C8orf34: variants seen among roughly 807,000 people sequenced by gnomAD.
C8orf34 encodes the protein uncharacterized protein C8orf34.
Under a neutral mutation model 68.3 loss-of-function variants are expected in C8orf34, and 65 were observed. The ratio of observed to expected loss-of-function variants is 0.95; its 90% CI spans 0.78 to 1.17. C8orf34 has a LOEUF of 1.17. Ranked by LOEUF, C8orf34 falls within the 50% of genes most tolerant of loss-of-function variation. The pLI, the probability that C8orf34 is intolerant of heterozygous loss-of-function variation, is 0.00. For missense variants in C8orf34, 664 were observed against 655.4 expected, an observed-to-expected ratio of 1.01 and a Z score of -0.14; for synonymous variants, 244 against 241.2, an observed-to-expected ratio of 1.01 and a Z score of -0.11.
intron 5 of C8orf34, among the ~76,000 whole-genome samples, chr8:68,502,074 G>T (rs1238786392): frequency 6.6e-6 from 1 of 152,066 alleles, no homozygotes; most frequent in Non-Finnish European, 1.5e-5. Flanking sequence ...TTGTTTGATT[G>T]TTTATTCGTT....
chr8:68,706,607 A>G (rs144286854), intron 8 of C8orf34, among the ~76,000 whole-genome samples: 11 of 152,346 alleles, frequency 7.2e-5, no homozygotes, highest in African/African-American at 2.6e-4. Context: ...GGACTTACAG[A>G]TATCTGCCAT....
intron 5 of C8orf34, among the ~76,000 whole-genome samples, chr8:68,521,241 T>C (rs1253519451): frequency 6.6e-6 from 1 of 152,234 alleles, no homozygotes; most frequent in Non-Finnish European, 1.5e-5. Flanking sequence ...AGCTGTATCA[T>C]ATCCGAGTCC....
intron 7 of C8orf34, among the ~76,000 whole-genome samples, chr8:68,582,690 C>T (rs142821940): frequency 5.9e-5 from 9 of 152,068 alleles, no homozygotes; most frequent in East Asian, 5.9e-4. Context: ...AGGTATTACT[C>T]GTTTTTTGAG....
At chr8:68,535,700 A>C (rs1815437391) in intron 7 of C8orf34, 1 of 820,748 alleles carries the variant, frequency 1.2e-6, no homozygotes, top group Admixed American at 6.2e-5. Context: ...ATAGTACAAC[A>C]CCTGTAATTT....
chr8:68,597,433 T>A lies in C8orf34; in HGVS notation c.1106-42943T>A, dbSNP rs73683572. 3.7e-3 allele frequency among the ~76,000 whole-genome samples: 563 copies of A among 152,296 alleles called. 4 individuals are homozygous for A. Among genetic ancestry groups the A allele is most frequent in the African/African-American group, 0.013 (539 of 41,570 alleles). ...CTTAACAAAGGACCTCATCTGTGTT[T>A]TTTTAGAAAAGTGTTTAAATTAGAA... On this transcript the variant is annotated intron_variant, in intron 7 of 13. Transcript: ENST00000518698.
intron 1 of C8orf34, among the ~76,000 whole-genome samples, chr8:68,427,796 T>C (rs1335506274): frequency 6.6e-6 from 1 of 152,032 alleles, no homozygotes; most frequent in African/African-American, 2.4e-5. Flanking sequence ...TGAAAGAAGC[T>C]GGCTGAAATG....
At chr8:68,647,314 G>C (rs1819206332) in intron 8 of C8orf34, among the ~76,000 whole-genome samples, 1 of 152,120 alleles carries the variant, frequency 6.6e-6, no homozygotes, top group Non-Finnish European at 1.5e-5. Flanking sequence ...GTACCCGTGA[G>C]GATGTAGAGA....
intron 7 of C8orf34, among the ~76,000 whole-genome samples, chr8:68,570,845 C>A (rs1322596451): frequency 6.6e-6 from 1 of 152,116 alleles, no homozygotes; most frequent in Non-Finnish European, 1.5e-5. Context: ...AACTTAATTC[C>A]TAGAGTCTTC....
intron 1 of C8orf34, among the ~76,000 whole-genome samples, chr8:68,429,426 C>T (rs1363935790): frequency 6.6e-6 from 1 of 152,060 alleles, no homozygotes; most frequent in East Asian, 1.9e-4. Context: ...AATGGGAATG[C>T]GGGTGGGAGA....
At chr8:68,746,525 G>A in intron 10 of C8orf34, among the ~76,000 whole-genome samples, 1 of 106,986 alleles carries the variant, frequency 9.3e-6, no homozygotes, top group Admixed American at 1.1e-4. Context: ...GAATCAAATA[G>A]ATGCAATAAA....
At chr8:68,565,583 C>G (rs1816562518) in intron 7 of C8orf34, among the ~76,000 whole-genome samples, 1 of 152,136 alleles carries the variant, frequency 6.6e-6, no homozygotes, top group Non-Finnish European at 1.5e-5. Flanking sequence ...CCTTTAGAAG[C>G]TAAAATAATG....
intron 1 of C8orf34, among the ~76,000 whole-genome samples, chr8:68,408,876 C>A (rs1381239704): frequency 6.6e-6 from 1 of 152,130 alleles, no homozygotes; most frequent in Admixed American, 6.5e-5. Context: ...GCAACTTCTG[C>A]CTCCTGCGTT....
intron 6 of C8orf34, among the ~76,000 whole-genome samples, chr8:68,522,676 T>C (rs1406875505): frequency 6.6e-6 from 1 of 152,198 alleles, no homozygotes; most frequent in Non-Finnish European, 1.5e-5. Flanking sequence ...AGAGTAATTT[T>C]TTTTTGTAAT....
intron 5 of C8orf34, among the ~76,000 whole-genome samples, chr8:68,509,448 G>A (rs1294622512): frequency 6.6e-6 from 1 of 152,196 alleles, no homozygotes; most frequent in Non-Finnish European, 1.5e-5. Flanking sequence ...TTGCTGGCAT[G>A]TTGGGCTTCT....
At chr8:68,414,499 A>T (rs1012003535) in intron 1 of C8orf34, among the ~76,000 whole-genome samples, 11 of 152,234 alleles carry the variant, frequency 7.2e-5, no homozygotes, top group African/African-American at 2.2e-4. Context: ...GGTAATATAC[A>T]TCTATAAAAA....
At chr8:68,478,793 G>A (rs1308266725) in intron 4 of C8orf34, among the ~76,000 whole-genome samples, 2 of 152,152 alleles carry the variant, frequency 1.3e-5, no homozygotes, top group East Asian at 3.9e-4. Flanking sequence ...ACTATCATGA[G>A]AACAGCATGT....
intron 10 of C8orf34, among the ~76,000 whole-genome samples, chr8:68,732,213 C>T (rs571253653): frequency 6.6e-6 from 1 of 152,208 alleles, no homozygotes; most frequent in African/African-American, 2.4e-5. Context: ...AGAGGAAGGC[C>T]ATTAGGCATA....
intron 5 of C8orf34, among the ~76,000 whole-genome samples, chr8:68,509,149 C>T (rs767445078): frequency 5.3e-5 from 8 of 152,196 alleles, no homozygotes; most frequent in Non-Finnish European, 1.2e-4. Context: ...ATCTTAACTG[C>T]TTCCTGCTGA....
chr8:68,483,483 T>C (rs1340173139), intron 4 of C8orf34, among the ~76,000 whole-genome samples: 4 of 152,146 alleles, frequency 2.6e-5, no homozygotes, highest in Non-Finnish European at 5.9e-5. Context: ...GGAAAGGGCA[T>C]ACGTGATTTA....
Sources: gnomAD v4.1 joint callset for allele counts (sites outside exome capture counted in the v4.1 genomes callset) on GRCh38, gnomAD v4.1.1 for gene constraint, MANE v1.5 for transcripts, NCBI Gene and HGNC (gene_info 2026-07-23, HGNC 2026-07-21) for gene names.